BICD1: variants seen among roughly 807,000 people sequenced by gnomAD.
BICD1 encodes BICD cargo adaptor 1, also known as protein bicaudal D homolog 1.
A neutral mutation model predicts 92.5 loss-of-function variants in BICD1; 35 were observed. The observed-to-expected ratio is 0.38, with a 90% CI of 0.29 to 0.50. The LOEUF is 0.50. Among genes scored for constraint, BICD1 ranks in the 20% least tolerant of loss-of-function variants. BICD1 has a pLI of 0.93. For synonymous variants in BICD1, 429 were observed against 465.1 expected, an observed-to-expected ratio of 0.92 and a Z score of 1.00; for missense variants, 950 against 1,189.8, an observed-to-expected ratio of 0.80 and a Z score of 2.97.
At chr12:32,258,596 G>C (rs540759673) in intron 2 of BICD1, among the ~76,000 whole-genome samples, 1 of 151,840 alleles carries the variant, frequency 6.6e-6, no homozygotes. Context: ...GATATTTATC[G>C]TATACAAGAC....
intron 1 of BICD1, among the ~76,000 whole-genome samples, chr12:32,155,761 A>AT (rs1183410098): frequency 3.3e-4 from 51 of 152,372 alleles, no homozygotes; most frequent in African/African-American, 1.2e-3. Context: ...ATTTGTTAAG[A>AT]TATTAAGATA....
intron 1 of BICD1, among the ~76,000 whole-genome samples, chr12:32,195,248 A>T (rs1055621720): frequency 2.6e-5 from 4 of 152,226 alleles, no homozygotes; most frequent in African/African-American, 9.6e-5. Context: ...TTTTTCACAG[A>T]TATCAGAAAA....
chr12:32,189,049 G>C (rs78159741), intron 1 of BICD1, among the ~76,000 whole-genome samples: 11,223 of 152,094 alleles, frequency 0.074, 509 homozygotes, highest in South Asian at 0.18. Flanking sequence ...TTTAACTAAG[G>C]CCTAATTAAA....
At chr12:32,347,465 C>G (rs1938674631) in intron 8 of BICD1, among the ~76,000 whole-genome samples, 2 of 151,020 alleles carry the variant, frequency 1.3e-5, no homozygotes, top group Non-Finnish European at 3.0e-5. Context: ...TGGTGAAACC[C>G]CGTCTCTACT....
At chr12:32,229,183 G>C (rs1182901253) in intron 2 of BICD1, among the ~76,000 whole-genome samples, 1 of 152,138 alleles carries the variant, frequency 6.6e-6, no homozygotes, top group African/African-American at 2.4e-5. Context: ...CCCGGGAGGT[G>C]GAGGTTGCAG....
chr12:32,199,812 T>A (rs1260754604), intron 1 of BICD1, among the ~76,000 whole-genome samples: 2 of 152,084 alleles, frequency 1.3e-5, no homozygotes, highest in Non-Finnish European at 2.9e-5. Context: ...AATAAACTTG[T>A]TTGTGGAGGT....
chr12:32,288,302 G>T (rs1004054387), intron 2 of BICD1, among the ~76,000 whole-genome samples: 5 of 148,088 alleles, frequency 3.4e-5, no homozygotes, highest in Non-Finnish European at 5.9e-5. Flanking sequence ...CATGATCATG[G>T]CTCACTGCAG....
chr12:32,253,175 G>A (rs1216465083), intron 2 of BICD1, among the ~76,000 whole-genome samples: 2 of 152,278 alleles, frequency 1.3e-5, no homozygotes, highest in Non-Finnish European at 2.9e-5. Context: ...GAGTCATCGT[G>A]CCCAGCCAGC....
intron 8 of BICD1, among the ~76,000 whole-genome samples, chr12:32,358,701 C>CA (rs1165487546): frequency 3.9e-5 from 6 of 151,998 alleles, no homozygotes; most frequent in Admixed American, 1.3e-4. Context: ...TGCACCACTG[C>CA]ACTCCAGCCT....
chr12:32,161,459 A>G (rs1943598614), intron 1 of BICD1, among the ~76,000 whole-genome samples: 1 of 152,188 alleles, frequency 6.6e-6, no homozygotes, highest in Non-Finnish European at 1.5e-5. Context: ...ATTGGCCGAG[A>G]AAGTCTTGGA....
At chr12:32,224,371 A>C (rs551434757) in intron 2 of BICD1, among the ~76,000 whole-genome samples, 5 of 152,374 alleles carry the variant, frequency 3.3e-5, no homozygotes, top group African/African-American at 9.6e-5. Context: ...ACCATATGCC[A>C]GGTATGAAGC....
chr12:32,192,684 G>A (rs1944610752), intron 1 of BICD1, among the ~76,000 whole-genome samples: 1 of 152,142 alleles, frequency 6.6e-6, no homozygotes, highest in South Asian at 2.1e-4. Flanking sequence ...AAGGAAAGAA[G>A]CCATTTCCAT....
intron 5 of BICD1, among the ~76,000 whole-genome samples, chr12:32,330,971 C>T (rs1398703113): frequency 6.6e-6 from 1 of 152,136 alleles, no homozygotes; most frequent in Non-Finnish European, 1.5e-5. Flanking sequence ...ACCGTCCCTA[C>T]TAAAAATACA....
chr12:32,195,569 A>G (rs112476610), intron 1 of BICD1, among the ~76,000 whole-genome samples: 43 of 152,360 alleles, frequency 2.8e-4, no homozygotes, highest in Non-Finnish European at 5.0e-4. Context: ...GAAAAACTGG[A>G]TATCTATATG....
chr12:32,322,979 T>C (rs1349359486), intron 4 of BICD1, among the ~76,000 whole-genome samples: 1 of 152,224 alleles, frequency 6.6e-6, no homozygotes, highest in African/African-American at 2.4e-5. Context: ...CAAATTTGCT[T>C]AATTTTCAAA....
intron 2 of BICD1, among the ~76,000 whole-genome samples, chr12:32,264,495 A>AT (rs553447535): frequency 2.0e-5 from 3 of 150,894 alleles, no homozygotes; most frequent in East Asian, 1.9e-4. Context: ...ATTAAATAGA[A>AT]TTTTTTTTTT....
chr12:32,206,930 A>C (rs983275861), intron 1 of BICD1, among the ~76,000 whole-genome samples: 1 of 152,248 alleles, frequency 6.6e-6, no homozygotes, highest in Non-Finnish European at 1.5e-5. Context: ...GTGCATATGG[A>C]AGGATTTCAT....
intron 1 of BICD1, among the ~76,000 whole-genome samples, chr12:32,180,501 C>T (rs1007916553): frequency 2.6e-5 from 4 of 151,842 alleles, no homozygotes; most frequent in African/African-American, 4.8e-5. Flanking sequence ...CCAAAGATAC[C>T]GTCCCTTGGC....
At chr12:32,140,824 A>C (rs1942896916) in intron 1 of BICD1, among the ~76,000 whole-genome samples, 1 of 143,008 alleles carries the variant, frequency 7.0e-6, no homozygotes, top group Non-Finnish European at 1.6e-5. Flanking sequence ...ATTTAAGGAA[A>C]CAGAGCTAAA....
Sources: allele counts gnomAD v4.1 joint callset (sites outside exome capture counted in the v4.1 genomes callset), GRCh38; gene constraint gnomAD v4.1.1; transcripts MANE v1.5; gene names NCBI Gene and HGNC (gene_info 2026-07-23, HGNC 2026-07-21).